Variants in SLC13A1 observed in about 807,000 individuals in gnomAD.
SLC13A1 encodes the protein Na(+)/sulfate cotransporter.
A neutral mutation model predicts 70.0 loss-of-function variants in SLC13A1; 65 were observed. The observed-to-expected ratio is 0.93, with a 90% confidence interval of 0.76 to 1.14. SLC13A1 has a LOEUF of 1.14. SLC13A1 is among the 50% of genes most tolerant of loss of function. The probability of loss-of-function intolerance (pLI) is 0.00; values close to 1 mark genes in which losing one functional copy is unlikely to be tolerated. For synonymous variants in SLC13A1, 275 were observed against 250.5 expected (o/e 1.10, Z -0.92); for missense variants, 726 against 717.8 (o/e 1.01, Z -0.13).
intron 6 of SLC13A1, among the ~76,000 whole-genome samples, chr7:123,152,683 T>C (rs1481257844): frequency 2.6e-5 from 4 of 152,136 alleles, no homozygotes; most frequent in African/African-American, 7.2e-5. Context: ...CCTTTTACTT[T>C]CTAATTAACT....
chr7:123,194,954 G>C (rs1424249301), intron 1 of SLC13A1, among the ~76,000 whole-genome samples: 1 of 152,114 alleles, frequency 6.6e-6, no homozygotes, highest in Non-Finnish European at 1.5e-5. Context: ...TCATAGCACA[G>C]ATGATTTCTT....
Position 123,128,929 on chromosome 7 carries a change from G to T in SLC13A1, c.1049C>A (p.Thr350Asn). 6.2e-7 allele frequency: 1 copy of T among 1,612,778 alleles called. No homozygotes were observed. The highest frequency in any genetic ancestry group is 8.5e-7 in the Non-Finnish European group (1 of 1,179,174). Reference sequence around the variant, plus strand: ...AGCCATTATAATGAAGAGGACCAAGGTCACAATTTCTTGATACCTGTGGAA... The same window carrying T: ...AGCCATTATAATGAAGAGGACCAAGTTCACAATTTCTTGATACCTGTGGAA... ...LGPIRYQEIV[T>N]LVLFIIMALL... The change falls in exon 10 of 15, where the codon ACC (threonine) becomes AAC (asparagine). Residue 350 changes from threonine (T) to asparagine (N), a missense_variant. Physicochemically the swap from Thr to Asn is moderately conservative, Grantham distance 65. Coordinates refer to ENST00000194130, the MANE Select transcript of SLC13A1 (RefSeq NM_022444.4).
intron 1 of SLC13A1, among the ~76,000 whole-genome samples, chr7:123,181,480 C>T (rs752052176): frequency 4.6e-5 from 7 of 152,114 alleles, no homozygotes; most frequent in Admixed American, 6.5e-5. Flanking sequence ...ACAGCCTTTC[C>T]CCTGGGGGCA....
intron 6 of SLC13A1, among the ~76,000 whole-genome samples, chr7:123,161,236 G>T (rs1348430778): frequency 6.7e-6 from 1 of 149,442 alleles, no homozygotes; most frequent in Non-Finnish European, 1.5e-5. Flanking sequence ...CATTAAAAAA[G>T]ACTTAAATAA....
At chr7:123,186,726 C>T (rs570342628) in intron 1 of SLC13A1, 1 of 455,414 alleles carries the variant, frequency 2.2e-6, no homozygotes, top group African/African-American at 2.0e-5. Flanking sequence ...GCTGATACAT[C>T]CGATATCGTT....
chr7:123,141,355 A>G (rs746165640), intron 7 of SLC13A1, among the ~76,000 whole-genome samples: 77 of 152,282 alleles, frequency 5.1e-4, no homozygotes, highest in Non-Finnish European at 9.9e-4. Context: ...AGAATGGTCC[A>G]TGTGCTGAGG....
intron 6 of SLC13A1, among the ~76,000 whole-genome samples, chr7:123,166,388 C>T (rs961770501): frequency 2.2e-5 from 2 of 91,916 alleles, no homozygotes; most frequent in African/African-American, 6.6e-5. Context: ...TTTTAAAGCC[C>T]ATTTCTTTAT....
At chr7:123,131,078 G>T (rs1793741161) in intron 8 of SLC13A1, among the ~76,000 whole-genome samples, 1 of 152,144 alleles carries the variant, frequency 6.6e-6, no homozygotes, top group South Asian at 2.1e-4. Context: ...TAGACAGAAA[G>T]GACATTTTCT....
intron 9 of SLC13A1, 63 bp from the exon 10 acceptor site, chr7:123,129,009 C>T: frequency 9.3e-7 from 1 of 1,080,916 alleles, no homozygotes; most frequent in Non-Finnish European, 1.4e-6. Flanking sequence ...GTAGAAACTC[C>T]TTGAGCTATT....
At chr7:123,194,543 G>T (rs1796112614) in intron 1 of SLC13A1, among the ~76,000 whole-genome samples, 1 of 152,072 alleles carries the variant, frequency 6.6e-6, no homozygotes, top group African/African-American at 2.4e-5. Context: ...ATTGGACTGA[G>T]TTGGCATTTA....
Position 123,168,373 on chromosome 7 carries a change from C to A in SLC13A1, c.660+1G>T, listed in dbSNP as rs1409332367. ...ATTTAGAAAGAATCAAATTTATGTACCTTTTCCAACTCCACCTTGCTTGAA... is the reference window on the plus strand; with the variant it reads ...ATTTAGAAAGAATCAAATTTATGTAACTTTTCCAACTCCACCTTGCTTGAA... On this transcript the variant is annotated splice_donor_variant, in intron 6 of 14. Transcript: ENST00000194130. LOFTEE classifies it high-confidence loss of function. The A allele has an allele frequency of 1.3e-6, 2 of 1,562,732 alleles. No homozygotes were observed. Among genetic ancestry groups the A allele is most frequent in the South Asian group, 1.1e-5 (1 of 87,062 alleles).
intron 7 of SLC13A1, among the ~76,000 whole-genome samples, chr7:123,142,651 T>G (rs999341615): frequency 2.7e-5 from 4 of 145,978 alleles, no homozygotes; most frequent in Non-Finnish European, 6.0e-5. Context: ...TTTTTTTTTT[T>G]TTTTGATGGA....
chr7:123,175,640 C>T (rs1795421987), intron 2 of SLC13A1, among the ~76,000 whole-genome samples: 1 of 152,134 alleles, frequency 6.6e-6, no homozygotes, highest in Non-Finnish European at 1.5e-5. Flanking sequence ...CTCAATCTGC[C>T]AGTGCCTTGA....
chr7:123,129,038 A>G (rs915826805), intron 9 of SLC13A1, 92 bp from the exon 10 acceptor site: 10 of 844,206 alleles, frequency 1.2e-5, no homozygotes, highest in Admixed American at 2.0e-5. Context: ...TGATCGCAGT[A>G]GAACACTAAA....
At chr7:123,129,110 T>C (rs1793664045) in intron 9 of SLC13A1, among the ~76,000 whole-genome samples, 164 bp from the exon 10 acceptor site, 1 of 152,110 alleles carries the variant, frequency 6.6e-6, no homozygotes, top group Non-Finnish European at 1.5e-5. Flanking sequence ...AAAAGCCCTT[T>C]CTCCTCTTTG....
chr7:123,119,090 T>A lies in SLC13A1; in HGVS notation c.1503A>T (p.Leu501Phe). ...PATITLFLPILSPLAEAIHVN... is the reference protein window; with the variant it reads ...PATITLFLPIFSPLAEAIHVN... ...TAAATGAGATACTCACCAATGGAGA[T>A]AATATTGGGAGAAAGAGTGTAATGG... is the stretch of plus-strand genomic sequence containing the variant. The change falls in exon 13 of 15, where the codon TTA becomes TTT. Residue 501 changes from leucine (L) to phenylalanine (F), a missense_variant. By Grantham distance (22) the Leu-to-Phe change is conservative. Coordinates refer to ENST00000194130, the MANE Select transcript of SLC13A1 (RefSeq NM_022444.4). The A allele has an allele frequency of 6.2e-7, 1 of 1,611,740 alleles. No individual in the cohort carries two copies. Among genetic ancestry groups the A allele is most frequent in the African/African-American group, 1.3e-5 (1 of 74,914 alleles).
chr7:123,175,445 G>T (rs544157447), intron 2 of SLC13A1, among the ~76,000 whole-genome samples: 1 of 152,116 alleles, frequency 6.6e-6, no homozygotes, highest in South Asian at 2.1e-4. Flanking sequence ...TCTAAACGTT[G>T]GTGTCCCCCA....
intron 12 of SLC13A1, among the ~76,000 whole-genome samples, chr7:123,122,460 C>T (rs1017342674): frequency 6.6e-6 from 1 of 152,050 alleles, no homozygotes; most frequent in Non-Finnish European, 1.5e-5. Context: ...TTTCTTCCAA[C>T]AACTCTACAA....
intron 7 of SLC13A1, among the ~76,000 whole-genome samples, chr7:123,141,727 C>A (rs1794155539): frequency 6.6e-6 from 1 of 151,992 alleles, no homozygotes; most frequent in Non-Finnish European, 1.5e-5. Flanking sequence ...TCTATTTTGC[C>A]TGATATGAGT....
Sources: gnomAD v4.1 joint callset for allele counts (sites outside exome capture counted in the v4.1 genomes callset) on GRCh38, gnomAD v4.1.1 for gene constraint, MANE v1.5 for transcripts, NCBI Gene and HGNC (gene_info 2026-07-23, HGNC 2026-07-21) for gene names.